Variants in CFAP221 observed in about 807,000 individuals in gnomAD.
The protein encoded by CFAP221 is cilia- and flagella-associated protein 221.
Under a neutral mutation model 113.1 loss-of-function variants are expected in CFAP221, and 97 were observed. That is an observed-to-expected ratio of 0.86 (90% CI 0.73 to 1.02). The LOEUF (loss-of-function observed/expected upper bound fraction) is 1.02. Among genes scored for constraint, CFAP221 ranks in the 50% least tolerant of loss-of-function variants. The pLI, the probability that CFAP221 is intolerant of heterozygous loss-of-function variation, is 0.00. For missense variants in CFAP221, 1,025 were observed against 1,013.4 expected, an observed-to-expected ratio of 1.01 and a Z score of -0.16; for synonymous variants, 331 against 354.4, an observed-to-expected ratio of 0.93 and a Z score of 0.74.
At chr2:119,621,272 G>C (rs1300266940) in intron 14 of CFAP221, among the ~76,000 whole-genome samples, 1 of 149,052 alleles carries the variant, frequency 6.7e-6, no homozygotes, top group Non-Finnish European at 1.5e-5. Flanking sequence ...TGATAAAACA[G>C]ACTTTAAACC....
At chr2:119,593,092 A>G (rs940271550) in intron 7 of CFAP221, among the ~76,000 whole-genome samples, 5 of 152,176 alleles carry the variant, frequency 3.3e-5, no homozygotes, top group Non-Finnish European at 5.9e-5. Context: ...AGGAATACCA[A>G]TTATGTGTGT....
At chr2:119,558,279 G>T (rs1339234155) in intron 3 of CFAP221, among the ~76,000 whole-genome samples, 1 of 152,090 alleles carries the variant, frequency 6.6e-6, no homozygotes, top group East Asian at 1.9e-4. Context: ...TGAGTGTGAT[G>T]GACTCAGCAA....
At chr2:119,649,148 C>G (rs1687979740) in intron 22 of CFAP221, among the ~76,000 whole-genome samples, 1 of 152,180 alleles carries the variant, frequency 6.6e-6, no homozygotes, top group Non-Finnish European at 1.5e-5. Flanking sequence ...ACGAATGAAG[C>G]TCTCAGTATT....
chr2:119,647,898 T>C (rs1446281432), intron 22 of CFAP221, among the ~76,000 whole-genome samples: 1 of 152,188 alleles, frequency 6.6e-6, no homozygotes, highest in Non-Finnish European at 1.5e-5. Flanking sequence ...TAGAAGATTA[T>C]AGAGCACCCG....
Position 119,611,687 on chromosome 2 carries a change from T to C in CFAP221, c.1256T>C (p.Phe419Ser). Residue 419 changes from phenylalanine (F) to serine (S), a missense_variant, in exon 13 of 24, where the codon TTT becomes TCT. Transcript: ENST00000413369. The part of the protein sequence containing the change: ...DRGDPILDEE[F>S]QRLKTEVSHK... ...GGAGATCCTATTTTGGATGAGGAAT[T>C]TCAGCGACTTAAAACAGAAGTTAGC... 1 of 1,613,882 alleles carries C rather than the reference T, an allele frequency of 6.2e-7. No homozygotes were observed. The highest frequency in any genetic ancestry group is 8.5e-7 in the Non-Finnish European group (1 of 1,179,966).
chr2:119,549,251 A>G, intron 3 of CFAP221, 66 bp downstream of exon 3: 1 of 1,255,838 alleles, frequency 8.0e-7, no homozygotes, highest in Non-Finnish European at 1.1e-6. Flanking sequence ...CTGAATTTAT[A>G]TTATTCACTT....
chr2:119,583,117 A>G (rs1558933438), intron 6 of CFAP221, among the ~76,000 whole-genome samples: 2 of 152,194 alleles, frequency 1.3e-5, no homozygotes, highest in South Asian at 2.1e-4. Flanking sequence ...TGGAAGAGGT[A>G]TGTATACCAA....
At chr2:119,581,341 C>T (rs532139756) in intron 6 of CFAP221, among the ~76,000 whole-genome samples, 1 of 151,924 alleles carries the variant, frequency 6.6e-6, no homozygotes, top group South Asian at 2.1e-4. Flanking sequence ...AATTATGAAA[C>T]AAAAATAGAT....
chr2:119,622,809 A>T (rs1364550799), intron 14 of CFAP221, among the ~76,000 whole-genome samples: 1 of 152,202 alleles, frequency 6.6e-6, no homozygotes, highest in Non-Finnish European at 1.5e-5. Context: ...CCCTTGATAA[A>T]ATTGAACACC....
At chr2:119,635,730 G>C (rs899283919) in intron 19 of CFAP221, among the ~76,000 whole-genome samples, 2 of 152,182 alleles carry the variant, frequency 1.3e-5, no homozygotes, top group Admixed American at 1.3e-4. Flanking sequence ...GAGACCCTAA[G>C]GAAGGAAAAG....
chr2:119,621,480 C>T (rs1480065974), intron 14 of CFAP221, among the ~76,000 whole-genome samples: 1 of 152,084 alleles, frequency 6.6e-6, no homozygotes, highest in East Asian at 1.9e-4. Context: ...TTAGAAAGAT[C>T]AATGGGACAG....
At chr2:119,601,781 A>T (rs1177069229) in intron 8 of CFAP221, among the ~76,000 whole-genome samples, 1 of 152,244 alleles carries the variant, frequency 6.6e-6, no homozygotes. Context: ...TGCAGTGCCC[A>T]TTGCAAAGCT....
rs369718861 is a variant in CFAP221 at position 119,628,680 on chromosome 2, C to G, written c.1650+894C>G. Among the ~76,000 whole-genome samples, 11 of 152,320 alleles carry G rather than the reference C, an allele frequency of 7.2e-5. No homozygotes were observed. The South Asian group carries it at 2.1e-3, about 29-fold the overall frequency. On this transcript the variant is annotated intron_variant, in intron 16 of 23. Coordinates refer to ENST00000413369, the MANE Select transcript of CFAP221 (RefSeq NM_001271049.2). ...AAAGAATAAACTTGTCATTCACATT[C>G]TAAAATATTTGTTAAGCATTGCAGG...
intron 16 of CFAP221, among the ~76,000 whole-genome samples, chr2:119,628,671 A>T (rs940203386): frequency 6.6e-6 from 1 of 152,252 alleles, no homozygotes; most frequent in African/African-American, 2.4e-5. Context: ...TAAACTTGTC[A>T]TTCACATTCT....
intron 8 of CFAP221, among the ~76,000 whole-genome samples, chr2:119,603,785 G>C (rs1684523228): frequency 6.6e-6 from 1 of 151,930 alleles, no homozygotes; most frequent in Non-Finnish European, 1.5e-5. Flanking sequence ...TAACTATTTA[G>C]ATAAAAATAA....
Position 119,604,963 on chromosome 2 carries a change from T to C in CFAP221, c.1000T>C (p.Leu334=). The C allele has an allele frequency of 1.9e-6, 3 of 1,614,038 alleles. No homozygotes were observed. Among genetic ancestry groups the C allele is most frequent in the Non-Finnish European group, 2.5e-6 (3 of 1,179,990 alleles). Residue 334 remains leucine, a synonymous_variant, in exon 10 of 24, where the codon TTG becomes CTG. Transcript: ENST00000413369. ...ATVLNQEPGK[L]KIKELREVLD... is the part of the protein sequence containing the mutation. ...TGTTTTAAACCAAGAACCAGGAAAATTGAAGATTAAAGAATTAAGAGAAGG... is the reference window on the plus strand; with the variant it reads ...TGTTTTAAACCAAGAACCAGGAAAACTGAAGATTAAAGAATTAAGAGAAGG...
intron 21 of CFAP221, among the ~76,000 whole-genome samples, chr2:119,642,892 A>G (rs1432365602): frequency 1.3e-5 from 2 of 151,666 alleles, no homozygotes; most frequent in Non-Finnish European, 2.9e-5. Context: ...CTCCACCCCT[A>G]TGACCTAACC....
At chr2:119,629,721 C>T (rs556221643) in intron 16 of CFAP221, among the ~76,000 whole-genome samples, 154 bp from the exon 17 acceptor site, 1 of 152,296 alleles carries the variant, frequency 6.6e-6, no homozygotes, top group East Asian at 1.9e-4. Flanking sequence ...GGGCTGCCTT[C>T]CTGCCCTACA....
intron 7 of CFAP221, among the ~76,000 whole-genome samples, chr2:119,596,137 T>C (rs1683951357): frequency 6.6e-6 from 1 of 152,106 alleles, no homozygotes; most frequent in Admixed American, 6.5e-5. Flanking sequence ...TTAAAAAGTC[T>C]CTTTGGCTCC....
Sources: gnomAD v4.1 joint callset for allele counts (sites outside exome capture counted in the v4.1 genomes callset) on GRCh38, gnomAD v4.1.1 for gene constraint, MANE v1.5 for transcripts, NCBI Gene and HGNC (gene_info 2026-07-23, HGNC 2026-07-21) for gene names.